The following PCDH11X variants were observed in gnomAD, a reference collection of about 807,000 sequenced individuals.
The protein encoded by PCDH11X is protocadherin-11 X-linked.
PCDH11X carries 18 observed loss-of-function variants against 53.3 expected under a neutral mutation model. The observed-to-expected ratio is 0.34, with a 90% confidence interval of 0.23 to 0.50. PCDH11X has a LOEUF of 0.50. PCDH11X is among the 20% of genes least tolerant of loss of function. The pLI is 0.98. For synonymous variants in PCDH11X, 279 were observed against 393.3 expected, an observed-to-expected ratio of 0.71 and a Z score of 3.44; for missense variants, 570 against 1,032.4, an observed-to-expected ratio of 0.55 and a Z score of 6.14.
intron 6 of PCDH11X, among the ~76,000 whole-genome samples, chrX:92,142,735 G>A (rs142902769): frequency 2.0e-3 from 219 of 109,838 alleles, no homozygotes; most frequent in African/African-American, 6.6e-3. Flanking sequence ...TTTTTCTGCC[G>A]TGAACTACTG....
At chrX:92,172,480 C>T (rs2065839880) in intron 6 of PCDH11X, among the ~76,000 whole-genome samples, 1 of 108,756 alleles carries the variant, frequency 9.2e-6, no homozygotes. Flanking sequence ...GTCTTGAACT[C>T]CTGGGCTCAA....
intron 6 of PCDH11X, among the ~76,000 whole-genome samples, chrX:91,969,795 C>CAAAA (rs535187943): frequency 5.5e-5 from 4 of 72,510 alleles, no homozygotes; most frequent in East Asian, 8.4e-4. Flanking sequence ...GCCCTTGTCT[C>CAAAA]AAAAAAAAAA....
At position 92,604,358 on chromosome X, in the gene PCDH11X, T is replaced by C. The variant is rs184897926; in HGVS notation, c.3368-13906T>C. Among the ~76,000 whole-genome samples, 272 of 110,019 alleles carry C rather than the reference T, an allele frequency of 2.5e-3. 1 individual carries two copies. In the Middle Eastern group the frequency reaches 0.025, roughly 10 times the overall value. ...AGTAATATCTCTATGTCCCATGGAA[T>C]TAACTTACATTAAGTCAAAAACAAC... is the stretch of plus-strand genomic sequence containing the variant. On this transcript the variant is annotated intron_variant, in intron 10 of 10. Transcript: ENST00000682573.
chrX:92,380,457 T>G (rs1007852141), intron 8 of PCDH11X, among the ~76,000 whole-genome samples: 6 of 112,340 alleles, frequency 5.3e-5, no homozygotes, highest in Non-Finnish European at 7.5e-5. Context: ...CAGAGGTTTC[T>G]GTCTGGTGAA....
chrX:92,037,399 T>G (rs2148023972), intron 6 of PCDH11X, among the ~76,000 whole-genome samples: 1 of 111,819 alleles, frequency 8.9e-6, no homozygotes, highest in Non-Finnish European at 1.9e-5. Context: ...TCATTCCTTT[T>G]TACGGCTGCA....
intron 8 of PCDH11X, among the ~76,000 whole-genome samples, chrX:92,336,425 A>T (rs1262946001): frequency 1.8e-5 from 2 of 111,862 alleles, no homozygotes; most frequent in Non-Finnish European, 3.8e-5. Context: ...AATATATAAA[A>T]CTGTTTATTG....
rs761913039 is a variant in PCDH11X at position 92,527,126 on chromosome X, A to C, written c.3367+58804A>C. Among the ~76,000 whole-genome samples, 167 of 111,693 alleles carry C rather than the reference A, an allele frequency of 1.5e-3. 1 individual carries two copies. Among genetic ancestry groups the C allele is most frequent in the Non-Finnish European group, 2.4e-3 (130 of 53,131 alleles). On this transcript the variant is annotated intron_variant, in intron 10 of 10. Coordinates refer to ENST00000682573, the MANE Select transcript of PCDH11X (RefSeq NM_032968.5). ...ATGGTTACCAGAGTCTGGGAAGGGT[A>C]GCTGGGGTTTGGGATGAGGTGGAGA...
At chrX:92,160,646 T>C (rs2148258095) in intron 6 of PCDH11X, among the ~76,000 whole-genome samples, 1 of 107,966 alleles carries the variant, frequency 9.3e-6, no homozygotes, top group East Asian at 2.9e-4. Flanking sequence ...TTTTTCTTTT[T>C]TTTTTTTTTT....
At chrX:91,879,715 C>T in intron 6 of PCDH11X, 1 of 780,968 alleles carries the variant, frequency 1.3e-6, no homozygotes, top group African/African-American at 2.8e-5. Context: ...TTGGGAAAAT[C>T]TGTGGCTGTT....
chrX:91,958,436 C>T (rs896271819), intron 6 of PCDH11X, among the ~76,000 whole-genome samples: 1 of 111,408 alleles, frequency 9.0e-6, no homozygotes, highest in Non-Finnish European at 1.9e-5. Context: ...AGACTCCACA[C>T]AGCTCTGTGT....
At chrX:92,278,621 A>G (rs981687281) in intron 8 of PCDH11X, among the ~76,000 whole-genome samples, 1 of 109,999 alleles carries the variant, frequency 9.1e-6, no homozygotes, top group African/African-American at 3.3e-5. Context: ...CACAGGGTTA[A>G]TCACTCAGTT....
chrX:92,587,592 C>T (rs943972042), intron 10 of PCDH11X, among the ~76,000 whole-genome samples: 27 of 110,873 alleles, frequency 2.4e-4, no homozygotes, highest in African/African-American at 8.2e-4. Context: ...CCTTCTGAGC[C>T]GAAACAGATG....
intron 7 of PCDH11X, among the ~76,000 whole-genome samples, chrX:92,251,232 G>C (rs182809576): frequency 2.4e-4 from 26 of 110,500 alleles, no homozygotes; most frequent in African/African-American, 8.5e-4. Context: ...CGATAATACG[G>C]TTCCAGAATT....
chrX:91,888,506 T>G (rs2147758992), intron 6 of PCDH11X, among the ~76,000 whole-genome samples: 1 of 109,452 alleles, frequency 9.1e-6, no homozygotes, highest in African/African-American at 3.3e-5. Flanking sequence ...ATGCAAAAAC[T>G]TAGCCGGGTT....
intron 7 of PCDH11X, among the ~76,000 whole-genome samples, chrX:92,210,882 T>C (rs1189135668): frequency 2.7e-5 from 3 of 111,930 alleles, no homozygotes; most frequent in Non-Finnish European, 5.6e-5. Flanking sequence ...CACCTCAGCC[T>C]GGACTTCATT....
chrX:92,324,082 G>A (rs1408372894), intron 8 of PCDH11X, among the ~76,000 whole-genome samples: 1 of 105,018 alleles, frequency 9.5e-6, no homozygotes, highest in East Asian at 3.0e-4. Context: ...GTGAGTTAAG[G>A]TGAGATTGGC....
intron 6 of PCDH11X, among the ~76,000 whole-genome samples, chrX:92,109,885 C>G (rs144163622): frequency 0.021 from 2,352 of 112,337 alleles, 62 homozygotes; most frequent in African/African-American, 0.072. Flanking sequence ...TAGGTCTAAT[C>G]TCTTTCACTA....
In PCDH11X at chrX:92,619,768, T is replaced by C. The variant is rs912953715; in HGVS notation, c.*828T>C. 1 of 110,931 alleles carries C rather than the reference T, an allele frequency of 9.0e-6. No individual in the cohort carries two copies. The highest frequency in any genetic ancestry group is 3.3e-5 in the African/African-American group (1 of 30,402). 9.1% of individuals were successfully genotyped at this position (110,931 alleles called of 1,213,427 possible). A position where few individuals can be genotyped will look rare whatever the true frequency, so the allele number is the denominator to read the frequency against. On this transcript the variant is annotated 3_prime_UTR_variant, in exon 11 of 11. Transcript: ENST00000682573. ...AAAGCTGTATCTGCCATTTTAAGCC[T>C]GTAGTCCATTATTACTTGGGTCTTT...
At chrX:92,010,734 T>C (rs972088722) in intron 6 of PCDH11X, among the ~76,000 whole-genome samples, 1 of 110,351 alleles carries the variant, frequency 9.1e-6, no homozygotes, top group Non-Finnish European at 1.9e-5. Flanking sequence ...TATTTTTTTT[T>C]CTGACTTTTA....
Sources: allele counts gnomAD v4.1 joint callset (sites outside exome capture counted in the v4.1 genomes callset), GRCh38; gene constraint gnomAD v4.1.1; transcripts MANE v1.5; gene names NCBI Gene and HGNC (gene_info 2026-07-23, HGNC 2026-07-21).